Variants in CCSER2 observed in about 807,000 individuals in gnomAD.
CCSER2 encodes the protein serine-rich coiled-coil domain-containing protein 2.
In CCSER2, 46 loss-of-function variants were observed where a neutral mutation model predicts 92.3. The ratio of observed to expected loss-of-function variants is 0.50; its 90% confidence interval spans 0.39 to 0.64. The LOEUF (loss-of-function observed/expected upper bound fraction) is 0.64. Among genes scored for constraint, CCSER2 ranks in the 30% least tolerant of loss-of-function variants. The pLI, the probability that CCSER2 is intolerant of heterozygous loss-of-function variation, is 0.00. For synonymous variants in CCSER2, 433 were observed against 431.4 expected (o/e 1.00, Z -0.04); for missense variants, 1,244 against 1,238.9 (o/e 1.00, Z -0.06).
intron 3 of CCSER2, among the ~76,000 whole-genome samples, chr10:84,382,461 G>T (rs11201015): frequency 6.6e-6 from 1 of 152,008 alleles, no homozygotes; most frequent in Non-Finnish European, 1.5e-5. Flanking sequence ...ATTAAATATA[G>T]CATTTTTTCT....
intron 8 of CCSER2, chr10:84,473,099 T>C (rs1846917095): frequency 6.6e-6 from 1 of 152,226 alleles, no homozygotes; most frequent in Non-Finnish European, 1.5e-5. Flanking sequence ...TTAAGAAATA[T>C]TGAAGAGCAT....
At chr10:84,337,407 T>G (rs1564575427) in intron 1 of CCSER2, among the ~76,000 whole-genome samples, 1 of 152,210 alleles carries the variant, frequency 6.6e-6, no homozygotes, top group Non-Finnish European at 1.5e-5. Context: ...TCAGATGCTA[T>G]TAGATTGAGG....
In CCSER2 at chr10:84,372,365, A is replaced by C. The variant is rs779279881; in HGVS notation, c.1313A>C (p.Glu438Ala). 1 of 1,612,188 alleles carries C rather than the reference A, an allele frequency of 6.2e-7. No homozygotes were observed. Among genetic ancestry groups the C allele is most frequent in the Non-Finnish European group, 8.5e-7 (1 of 1,178,976 alleles). The part of the protein sequence containing the change: ...RITPEEMSLK[E>A]EKHENGPPQD... ...ACTCCAGAGGAAATGTCTCTCAAAGAAGAGAAACATGAAAATGGGCCACCA... is the reference window on the plus strand; with the variant it reads ...ACTCCAGAGGAAATGTCTCTCAAAGCAGAGAAACATGAAAATGGGCCACCA... The change falls in exon 2 of 10, where the codon GAA becomes GCA. Residue 438 changes from glutamate (E) to alanine (A), a missense_variant. Transcript: ENST00000372088.
At chr10:84,454,789 A>G (rs965929588) in intron 6 of CCSER2, 17 of 160,850 alleles carry the variant, frequency 1.1e-4, no homozygotes, top group Middle Eastern at 2.1e-3. Context: ...TAGAATATTC[A>G]TCAATCCCTC....
chr10:84,509,048 A>G (rs1849215018), intron 9 of CCSER2, among the ~76,000 whole-genome samples: 1 of 152,214 alleles, frequency 6.6e-6, no homozygotes, highest in African/African-American at 2.4e-5. Context: ...TCATTATGAG[A>G]GGTACTTATG....
At chr10:84,360,999 G>A (rs964066059) in intron 1 of CCSER2, among the ~76,000 whole-genome samples, 11 of 152,158 alleles carry the variant, frequency 7.2e-5, no homozygotes, top group African/African-American at 2.7e-4. Context: ...TGGGTGAGAA[G>A]TCTTGCTGCT....
intron 3 of CCSER2, among the ~76,000 whole-genome samples, chr10:84,413,022 G>A (rs2133371032): frequency 6.6e-6 from 1 of 151,362 alleles, no homozygotes; most frequent in Admixed American, 6.6e-5. Flanking sequence ...ATGTTTCTTT[G>A]ATTCTTCTCT....
At chr10:84,470,042 T>C (rs1846692173) in intron 7 of CCSER2, among the ~76,000 whole-genome samples, 1 of 148,762 alleles carries the variant, frequency 6.7e-6, no homozygotes, top group African/African-American at 2.5e-5. Context: ...TTTTTTACTC[T>C]GTGGCCTATG....
chr10:84,477,647 C>G lies in CCSER2; in HGVS notation c.2308C>G (p.Pro770Ala). ...CTYADKYTQT[P>A]WRRIPPQVLQ... ...TTATGCTGATAAATATACCCAAACA[C>G]CCTGGAGACGAATTCCTGTAAGTAA... Residue 770 changes from proline to alanine, a missense_variant, in exon 9 of 10, where the codon CCC becomes GCC. Transcript: ENST00000372088. The G allele has an allele frequency of 1.2e-6, 2 of 1,601,862 alleles. No homozygotes were observed. The highest frequency in any genetic ancestry group is 8.5e-7 in the Non-Finnish European group (1 of 1,169,632).
chr10:84,356,175 A>G (rs954156725), intron 1 of CCSER2, among the ~76,000 whole-genome samples: 10 of 151,708 alleles, frequency 6.6e-5, no homozygotes, highest in Non-Finnish European at 1.5e-4. Context: ...TGGCCTCTCT[A>G]CAAAGGAAGA....
chr10:84,498,985 T>C (rs1302579319), intron 9 of CCSER2, among the ~76,000 whole-genome samples: 3 of 152,232 alleles, frequency 2.0e-5, no homozygotes, highest in East Asian at 1.9e-4. Context: ...CCACAAGTTA[T>C]TGAAATTAAA....
intron 5 of CCSER2, among the ~76,000 whole-genome samples, chr10:84,428,850 A>G (rs1384572075): frequency 6.6e-6 from 1 of 152,028 alleles, no homozygotes; most frequent in East Asian, 1.9e-4. Flanking sequence ...TTCTGTGTCT[A>G]TGGAGATAAT....
intron 1 of CCSER2, among the ~76,000 whole-genome samples, chr10:84,347,618 G>T (rs1333405759): frequency 6.6e-6 from 1 of 151,960 alleles, no homozygotes; most frequent in South Asian, 2.1e-4. Flanking sequence ...CCTCCCTCCC[G>T]GATGGGGTGG....
At chr10:84,344,063 G>A (rs1036430043) in intron 1 of CCSER2, among the ~76,000 whole-genome samples, 2 of 152,176 alleles carry the variant, frequency 1.3e-5, no homozygotes, top group African/African-American at 2.4e-5. Context: ...CTTAATCACT[G>A]TACCTCTGCA....
intron 6 of CCSER2, among the ~76,000 whole-genome samples, chr10:84,462,647 T>C (rs1846171191): frequency 6.6e-6 from 1 of 152,226 alleles, no homozygotes; most frequent in African/African-American, 2.4e-5. Flanking sequence ...TTAATGTCCA[T>C]TTGACACCAC....
At chr10:84,393,891 A>G (rs1203225077) in intron 3 of CCSER2, 1 of 152,182 alleles carries the variant, frequency 6.6e-6, no homozygotes, top group Non-Finnish European at 1.5e-5. Flanking sequence ...GAAAGTTGAG[A>G]TGGTCCTAAT....
rs1245275534 is a variant in CCSER2 at position 84,517,107 on chromosome 10, T to C, written c.*2840T>C. 1.3e-5 allele frequency: 2 copies of C among 152,234 alleles called. No individual in the cohort carries two copies. The highest frequency in any genetic ancestry group is 2.9e-5 in the Non-Finnish European group (2 of 68,032). 9.4% of individuals were successfully genotyped at this position (152,234 alleles called of 1,614,324 possible). A position where few individuals can be genotyped will look rare whatever the true frequency, so the allele number is the denominator to read the frequency against. On this transcript the variant is annotated 3_prime_UTR_variant, in exon 10 of 10. Transcript: ENST00000372088. ...ATCCTCCTCCACAAACCATTTATTG[T>C]CTTAGTTCTAGTGGTATCAATGAAG...
intron 3 of CCSER2, among the ~76,000 whole-genome samples, chr10:84,413,928 G>A (rs1379295446): frequency 1.3e-5 from 2 of 151,966 alleles, no homozygotes; most frequent in African/African-American, 4.8e-5. Context: ...TTTGATCTTT[G>A]TTGGTTTAAA....
At chr10:84,332,925 G>A (rs953441662) in intron 1 of CCSER2, among the ~76,000 whole-genome samples, 3 of 151,934 alleles carry the variant, frequency 2.0e-5, no homozygotes, top group Non-Finnish European at 4.4e-5. Flanking sequence ...ATTTTGTTAT[G>A]TATATATATT....
Sources: gnomAD v4.1 joint callset for allele counts (sites outside exome capture counted in the v4.1 genomes callset) on GRCh38, gnomAD v4.1.1 for gene constraint, MANE v1.5 for transcripts, NCBI Gene and HGNC (gene_info 2026-07-23, HGNC 2026-07-21) for gene names.